MARCHF10: variants seen among roughly 807,000 people sequenced by gnomAD.
MARCHF10 encodes membrane associated ring-CH-type finger 10, also known as probable E3 ubiquitin-protein ligase MARCHF10.
Under a neutral mutation model 76.2 loss-of-function variants are expected in MARCHF10, and 64 were observed. The ratio of observed to expected loss-of-function variants is 0.84; its 90% confidence interval spans 0.69 to 1.03. MARCHF10 has a LOEUF of 1.03. Ranked by LOEUF, MARCHF10 falls within the 50% of genes least tolerant of loss-of-function variation. The pLI, the probability that MARCHF10 is intolerant of heterozygous loss-of-function variation, is 0.00. For missense variants in MARCHF10, 875 were observed against 958.0 expected, an observed-to-expected ratio of 0.91 and a Z score of 1.14; for synonymous variants, 340 against 357.5, an observed-to-expected ratio of 0.95 and a Z score of 0.55.
intron 9 of MARCHF10, among the ~76,000 whole-genome samples, chr17:62,710,579 G>C (rs2089873388): frequency 1.1e-5 from 1 of 92,046 alleles, no homozygotes. Flanking sequence ...TTTTTTTTGA[G>C]ACGGAGTCTC....
chr17:62,799,646 G>A (rs148929204), intron 2 of MARCHF10, among the ~76,000 whole-genome samples: 3,084 of 152,040 alleles, frequency 0.02, 42 homozygotes, highest in Non-Finnish European at 0.031. Flanking sequence ...CTTGGGACGC[G>A]GAGGCAGGAG....
chr17:62,761,850 TG>T (rs1414406159), intron 3 of MARCHF10, among the ~76,000 whole-genome samples: 8 of 152,192 alleles, frequency 5.3e-5, no homozygotes, highest in Non-Finnish European at 8.8e-5. Flanking sequence ...GTCCTGGAAC[TG>T]GGTCCCAAGA....
At chr17:62,757,581 C>T (rs1194287465) in intron 4 of MARCHF10, among the ~76,000 whole-genome samples, 1 of 152,144 alleles carries the variant, frequency 6.6e-6, no homozygotes, top group East Asian at 1.9e-4. Context: ...CTTAACACAT[C>T]GATGCTTTGT....
At chr17:62,762,296 G>A (rs1454595156) in intron 3 of MARCHF10, among the ~76,000 whole-genome samples, 1 of 152,162 alleles carries the variant, frequency 6.6e-6, no homozygotes, top group African/African-American at 2.4e-5. Context: ...AGCCTACATT[G>A]TGAATACATC....
intron 2 of MARCHF10, among the ~76,000 whole-genome samples, chr17:62,791,181 G>A (rs2092835841): frequency 6.6e-6 from 1 of 152,208 alleles, no homozygotes; most frequent in Non-Finnish European, 1.5e-5. Context: ...CGGCTGGAAA[G>A]TGTAACGAAG....
rs531963202 is a variant in MARCHF10, at chr17:62,805,714, T to C, written c.-18+2363A>G. Reference sequence around the variant, plus strand: ...ATCACTTGAGGTCAGGAGTTCGAGATCGGCCTGGCCAACGTGGCAAAACCC... The same window carrying C: ...ATCACTTGAGGTCAGGAGTTCGAGACCGGCCTGGCCAACGTGGCAAAACCC... On this transcript the variant is annotated intron_variant, in intron 1 of 10. Transcript: ENST00000311269. 1.5e-3 allele frequency among the ~76,000 whole-genome samples: 226 copies of C among 152,058 alleles called. 1 individual carries two copies. Among genetic ancestry groups the C allele is most frequent in the Non-Finnish European group, 2.4e-3 (160 of 68,002 alleles).
intron 3 of MARCHF10, among the ~76,000 whole-genome samples, chr17:62,764,417 T>A (rs1040383416): frequency 2.6e-5 from 4 of 152,134 alleles, no homozygotes; most frequent in African/African-American, 4.8e-5. Context: ...TATGATATAG[T>A]GCAGGGCACA....
chr17:62,705,192 C>T, intron 10 of MARCHF10: 1 of 1,225,920 alleles, frequency 8.2e-7, no homozygotes, highest in Non-Finnish European at 1.0e-6. Context: ...GGAATCCTGG[C>T]AGTAAAAAAA....
At position 62,801,650 on chromosome 17, in the gene MARCHF10, T is replaced by C; in HGVS notation, c.86A>G (p.Tyr29Cys). The change falls in exon 2 of 11, where the codon TAT (tyrosine) becomes TGT (cysteine). Residue 29 changes from tyrosine to cysteine, a missense_variant. Tyr to Cys is a radical substitution (Grantham distance 194). Transcript: ENST00000311269. ...RDMQHKVDSE[Y>C]QACLRRQEYR... ...ATTCTTGCTTTCTGCAATTACCTGA[T>C]ACTCAGAGTCCACCTTATGCTGCAT... 2 of 1,613,766 alleles carry C rather than the reference T, an allele frequency of 1.2e-6. No individual in the cohort carries two copies. The highest frequency in any genetic ancestry group is 1.7e-6 in the Non-Finnish European group (2 of 1,179,686).
intron 4 of MARCHF10, among the ~76,000 whole-genome samples, chr17:62,747,765 C>T (rs1161148468): frequency 6.6e-6 from 1 of 152,172 alleles, no homozygotes; most frequent in Admixed American, 6.5e-5. Flanking sequence ...ATTCAATAGC[C>T]TTCATTCCGG....
At chr17:62,802,651 G>T (rs951320036) in intron 1 of MARCHF10, among the ~76,000 whole-genome samples, 5 of 152,168 alleles carry the variant, frequency 3.3e-5, no homozygotes, top group African/African-American at 1.2e-4. Context: ...GGTCTGGAGG[G>T]GTCAGGCAAG....
intron 9 of MARCHF10, among the ~76,000 whole-genome samples, chr17:62,708,839 G>A (rs2089752106): frequency 2.0e-5 from 3 of 152,146 alleles, no homozygotes. Flanking sequence ...AGGCATAGAA[G>A]GCCTGGCTTT....
At chr17:62,741,734 T>C (rs1036375485) in intron 5 of MARCHF10, among the ~76,000 whole-genome samples, 3 of 152,214 alleles carry the variant, frequency 2.0e-5, no homozygotes, top group African/African-American at 7.2e-5. Context: ...TCTCACTCTG[T>C]CACCCAGGCT....
At chr17:62,801,608 A>G in intron 2 of MARCHF10, 38 bp downstream of exon 2, 2 of 1,535,334 alleles carry the variant, frequency 1.3e-6, no homozygotes, top group Non-Finnish European at 1.8e-6. Flanking sequence ...AAATACTGCA[A>G]GAGAAGGCAG....
chr17:62,796,947 T>G (rs1156603044), intron 2 of MARCHF10, among the ~76,000 whole-genome samples: 1 of 152,040 alleles, frequency 6.6e-6, no homozygotes, highest in African/African-American at 2.4e-5. Context: ...CAGTTGTGAC[T>G]GCACCACTGC....
At chr17:62,731,889 G>C (rs913705321) in intron 6 of MARCHF10, among the ~76,000 whole-genome samples, 1 of 152,148 alleles carries the variant, frequency 6.6e-6, no homozygotes, top group African/African-American at 2.4e-5. Flanking sequence ...AAAAAGCATA[G>C]AGTTTGGAAA....
At chr17:62,766,191 G>T (rs569915944) in intron 3 of MARCHF10, among the ~76,000 whole-genome samples, 4 of 151,810 alleles carry the variant, frequency 2.6e-5, no homozygotes, top group African/African-American at 9.7e-5. Context: ...GCAAGACCCT[G>T]TCTCAAAATA....
intron 3 of MARCHF10, among the ~76,000 whole-genome samples, chr17:62,777,733 A>G (rs1365552569): frequency 1.3e-5 from 2 of 151,140 alleles, no homozygotes; most frequent in Non-Finnish European, 3.0e-5. Flanking sequence ...AAAAAGAAAA[A>G]AAAAAAGAAA....
chr17:62,728,571 G>T lies in MARCHF10; in HGVS notation c.1938-3467C>A, dbSNP rs192216666. 2.6e-3 allele frequency among the ~76,000 whole-genome samples: 389 copies of T among 152,250 alleles called. 4 individuals carry two copies. Among genetic ancestry groups the T allele is most frequent in the African/African-American group, 9.0e-3 (372 of 41,540 alleles). ...TAAGTCAGCTGACTCTAGAGGAAAT[G>T]AATTGTTTAACGAAGGGAGGAGGTA... is the stretch of plus-strand genomic sequence containing the variant. On this transcript the variant is annotated intron_variant, in intron 6 of 10. Coordinates refer to ENST00000311269, the MANE Select transcript of MARCHF10 (RefSeq NM_152598.4).
Sources: gnomAD v4.1 joint callset for allele counts (sites outside exome capture counted in the v4.1 genomes callset) on GRCh38, gnomAD v4.1.1 for gene constraint, MANE v1.5 for transcripts, NCBI Gene and HGNC (gene_info 2026-07-23, HGNC 2026-07-21) for gene names.